Variants in SDCBP2 observed in about 807,000 individuals in gnomAD.
SDCBP2 encodes syndecan binding protein 2, also known as syntenin-2.
A neutral mutation model predicts 30.7 loss-of-function variants in SDCBP2; 28 were observed. The observed-to-expected ratio is 0.91, with a 90% CI of 0.68 to 1.25. SDCBP2 has a LOEUF of 1.25. Ranked by LOEUF, SDCBP2 falls within the 50% of genes most tolerant of loss-of-function variation. The pLI, the probability that SDCBP2 is intolerant of heterozygous loss-of-function variation, is 0.00. For missense variants in SDCBP2, 399 were observed against 379.0 expected, an observed-to-expected ratio of 1.05 and a Z score of -0.44; for synonymous variants, 166 against 157.3, an observed-to-expected ratio of 1.06 and a Z score of -0.41.
chr20:1,313,650 G>A lies in SDCBP2; in HGVS notation c.226-152C>T. On this transcript the variant is annotated intron_variant, in intron 4 of 8. Transcript: ENST00000360779. This position sits in a 1 kb window ranked among gnomAD's most constrained non-coding sequence, Gnocchi z 5.2. ...GTCCACGCTTCTCCCCTAGGGGCGA[G>A]AGGAGACGTGGCTCCACGCGGCCAC... 7.2e-7 allele frequency: 1 copy of A among 1,382,524 alleles called. No individual in the cohort carries two copies. Among genetic ancestry groups the A allele is most frequent in the Admixed American group, 3.3e-5 (1 of 30,020 alleles). 85.6% of individuals were successfully genotyped at this position (1,382,524 alleles called of 1,614,324 possible). A position where few individuals can be genotyped will look rare whatever the true frequency, so the allele number is the denominator to read the frequency against.
chr20:1,327,174 C>A (rs1215806114), intron 1 of SDCBP2, among the ~76,000 whole-genome samples: 1 of 152,320 alleles, frequency 6.6e-6, no homozygotes, highest in South Asian at 2.1e-4. Flanking sequence ...ACAGCCCTTT[C>A]CAGATTTCCA....
chr20:1,319,767 C>T (rs1042573851), intron 2 of SDCBP2, 108 bp from the exon 3 acceptor site: 24 of 911,782 alleles, frequency 2.6e-5, no homozygotes, highest in Middle Eastern at 3.5e-4. Context: ...TGAGTGGGCC[C>T]GGGGTGTGGG....
intron 4 of SDCBP2, among the ~76,000 whole-genome samples, chr20:1,316,090 A>C (rs1000790896): frequency 4.6e-5 from 7 of 152,322 alleles, no homozygotes; most frequent in Middle Eastern, 6.8e-3. Flanking sequence ...CAATAGAGCA[A>C]GACCCTGTCT....
rs2088723446 is a variant in SDCBP2, at chr20:1,313,656, A to G, written c.226-158T>C. 7.3e-7 allele frequency: 1 copy of G among 1,373,358 alleles called. No individual in the cohort carries two copies. The highest frequency in any genetic ancestry group is 9.4e-7 in the Non-Finnish European group (1 of 1,065,572). 85.1% of individuals were successfully genotyped at this position (1,373,358 alleles called of 1,614,324 possible). On this transcript the variant is annotated intron_variant, in intron 4 of 8. Coordinates refer to ENST00000360779, the MANE Select transcript of SDCBP2 (RefSeq NM_080489.5). This position sits in a 1 kb window ranked among gnomAD's most constrained non-coding sequence, Gnocchi z 5.2. ...GCTTCTCCCCTAGGGGCGAGAGGAG[A>G]CGTGGCTCCACGCGGCCACTAGGGG...
intron 1 of SDCBP2, chr20:1,325,923 G>C (rs1276484055): frequency 3.9e-5 from 6 of 152,172 alleles, no homozygotes; most frequent in Admixed American, 3.3e-4. Flanking sequence ...CCACCCACCA[G>C]TGACTGAGTG....
Position 1,320,484 on chromosome 20 carries a change from C to A in SDCBP2, c.-19-49G>T. The A allele has an allele frequency of 6.9e-7, 1 of 1,453,422 alleles. No homozygotes were observed. The highest frequency in any genetic ancestry group is 9.5e-7 in the Non-Finnish European group (1 of 1,051,342). The allele number at this position is 1,453,422 out of a possible 1,614,324, so 90.0% of individuals were successfully genotyped here. A position where few individuals can be genotyped will look rare whatever the true frequency, so the allele number is the denominator to read the frequency against. On this transcript the variant is annotated intron_variant, in intron 1 of 8. Coordinates refer to ENST00000360779, the MANE Select transcript of SDCBP2 (RefSeq NM_080489.5). This position sits in a 1 kb window ranked among gnomAD's most constrained non-coding sequence, Gnocchi z 4.7. ...AGGATAAGGATGCAGCTGATGCCCCCTTGAAAGGAGGCACAGACATCCGCA... is the reference window on the plus strand; with the variant it reads ...AGGATAAGGATGCAGCTGATGCCCCATTGAAAGGAGGCACAGACATCCGCA...
intron 1 of SDCBP2, chr20:1,323,277 C>T (rs1429812784): frequency 6.6e-6 from 1 of 152,204 alleles, no homozygotes; most frequent in African/African-American, 2.4e-5. Flanking sequence ...TGTGTACACA[C>T]ACTATGAGAT....
At chr20:1,311,668 G>T (rs531297180) in intron 7 of SDCBP2, among the ~76,000 whole-genome samples, 1 of 152,174 alleles carries the variant, frequency 6.6e-6, no homozygotes, top group Non-Finnish European at 1.5e-5. Flanking sequence ...AAAGACAAAC[G>T]ATCTCAAGAA....
rs186816207 is a variant in SDCBP2 at position 1,312,056 on chromosome 20, C to T, written c.732+281G>A. On this transcript the variant is annotated intron_variant, in intron 7 of 8. Coordinates refer to ENST00000360779, the MANE Select transcript of SDCBP2 (RefSeq NM_080489.5). ...CTAGGACTACAGGTGTGCACCACCA[C>T]GCTTGGCTAATTTTTTAGTTTTTTT... Among the ~76,000 whole-genome samples the T allele has an allele frequency of 3.4e-3, 501 of 148,800 alleles. 6 individuals are homozygous for T. Among genetic ancestry groups the T allele is most frequent in the African/African-American group, 0.011 (447 of 40,274 alleles).
intron 3 of SDCBP2, chr20:1,319,374 A>G (rs2088822271): frequency 2.5e-5 from 14 of 561,048 alleles, no homozygotes; most frequent in South Asian, 1.8e-4. Context: ...AGGGAGGGGA[A>G]CAGCATGGGC....
At chr20:1,311,099 T>C (rs1273676256) in intron 7 of SDCBP2, 2 of 493,686 alleles carry the variant, frequency 4.1e-6, no homozygotes, top group South Asian at 3.3e-5. Context: ...AGAACATGGG[T>C]CTCCCACCTG....
Position 1,320,275 on chromosome 20 carries a change from T to C in SDCBP2, c.54+88A>G. ...ACATGCCCTGAGGCCTACGGGAATCTCCAAGTGGCCCCAGTACCCAGCACC... is the reference window on the plus strand; with the variant it reads ...ACATGCCCTGAGGCCTACGGGAATCCCCAAGTGGCCCCAGTACCCAGCACC... On this transcript the variant is annotated intron_variant, in intron 2 of 8. Transcript: ENST00000360779. This position sits in a 1 kb window ranked among gnomAD's most constrained non-coding sequence, Gnocchi z 4.7. 1.6e-6 allele frequency: 2 copies of C among 1,249,256 alleles called. No homozygotes were observed. The highest frequency in any genetic ancestry group is 1.9e-4 in the Middle Eastern group (1 of 5,164). The allele number at this position is 1,249,256 out of a possible 1,614,324, so 77.4% of individuals were successfully genotyped here.
rs1039206165 is a variant in SDCBP2, at chr20:1,318,414, C to T, written c.129G>A (p.Leu43=). The T allele has an allele frequency of 6.3e-7, 1 of 1,587,424 alleles. No homozygotes were observed. Among genetic ancestry groups the T allele is most frequent in the Admixed American group, 1.7e-5 (1 of 57,826 alleles). Residue 43 remains leucine, a synonymous_variant, in exon 4 of 9, where the codon TTG becomes TTA. Transcript: ENST00000360779. ...TTTCCAGTTCTGCCAAGTTTGGGTA[C>T]AAAACTGATAGGGAAAGAAGGAAGA... ...QATAISPPPV[L]YPNLAELENY...
intron 1 of SDCBP2, among the ~76,000 whole-genome samples, chr20:1,325,037 G>A (rs2088899553): frequency 6.6e-6 from 1 of 152,080 alleles, no homozygotes; most frequent in Non-Finnish European, 1.5e-5. Flanking sequence ...CATCACCTGG[G>A]CTGCAGCCTC....
At position 1,310,780 on chromosome 20, in the gene SDCBP2, G is replaced by A. The variant is rs776723874; in HGVS notation, c.824+20C>T. 3.8e-6 allele frequency: 6 copies of A among 1,599,356 alleles called. No homozygotes were observed. In the East Asian group the frequency reaches 1.1e-4, roughly 30 times the overall value. ...TGGCAGAGGAGGGGTGAGGAGGGGTGAGGAGGGGTGCAGCCTTACTTTTTG... is the reference window on the plus strand; with the variant it reads ...TGGCAGAGGAGGGGTGAGGAGGGGTAAGGAGGGGTGCAGCCTTACTTTTTG... On this transcript the variant is annotated intron_variant, in intron 8 of 8. Coordinates refer to ENST00000360779, the MANE Select transcript of SDCBP2 (RefSeq NM_080489.5).
chr20:1,321,175 C>A lies in SDCBP2; in HGVS notation c.-19-740G>T, dbSNP rs557508134. On this transcript the variant is annotated intron_variant, in intron 1 of 8. Coordinates refer to ENST00000360779, the MANE Select transcript of SDCBP2 (RefSeq NM_080489.5). The surrounding 1 kb of genome is among the most constrained non-coding windows in gnomAD (Gnocchi z 5.2). Reference sequence around the variant, plus strand: ...CCTCTTGCTTGAACTCGCCACTTGTCCTGACTGCAGTTCTGAGGGGTAAAG... The same window carrying A: ...CCTCTTGCTTGAACTCGCCACTTGTACTGACTGCAGTTCTGAGGGGTAAAG... The A allele has an allele frequency of 3.3e-5, 5 of 152,674 alleles. No homozygotes were observed. The highest frequency in any genetic ancestry group is 1.2e-4 in the African/African-American group (5 of 41,572). The allele number at this position is 152,674 out of a possible 1,614,324, so 9.5% of individuals were successfully genotyped here.
At chr20:1,318,043 C>T (rs535097712) in intron 4 of SDCBP2, 3 of 494,150 alleles carry the variant, frequency 6.1e-6, no homozygotes, top group Non-Finnish European at 3.9e-6. Flanking sequence ...GGCTTAATGA[C>T]CTCCCTTCTC....
At chr20:1,317,264 A>G (rs2088790990) in intron 4 of SDCBP2, among the ~76,000 whole-genome samples, 1 of 152,244 alleles carries the variant, frequency 6.6e-6, no homozygotes, top group South Asian at 2.1e-4. Flanking sequence ...ATAGTGTACT[A>G]TAGCTATGGA....
rs775930097 is a variant in SDCBP2, at chr20:1,310,410, C to G, written c.*31G>C. ...CCCTTTGCTGCAGGAGGGCGGGAAG[C>G]CCCCCCTGCCTGCCCTGCCCTGCAG... On this transcript the variant is annotated 3_prime_UTR_variant, in exon 9 of 9. Transcript: ENST00000360779. 6.2e-7 allele frequency: 1 copy of G among 1,604,114 alleles called. No homozygotes were observed. Among genetic ancestry groups the G allele is most frequent in the Non-Finnish European group, 8.5e-7 (1 of 1,173,626 alleles).
Sources: allele counts gnomAD v4.1 joint callset (sites outside exome capture counted in the v4.1 genomes callset), GRCh38; gene constraint gnomAD v4.1.1; non-coding constraint Gnocchi (gnomAD v3.1); transcripts MANE v1.5; gene names NCBI Gene and HGNC (gene_info 2026-07-23, HGNC 2026-07-21).